The following GRM1 variants were observed in gnomAD, a reference collection of about 807,000 sequenced individuals.
GRM1 encodes the protein glutamate metabotropic receptor 1, also known as metabotropic glutamate receptor 1.
GRM1 carries 33 observed loss-of-function variants against 90.9 expected under a neutral mutation model. The observed-to-expected ratio is 0.36, with a 90% CI of 0.28 to 0.49. The LOEUF (loss-of-function observed/expected upper bound fraction) is 0.49, where lower values mean the gene tolerates loss of function less well. GRM1 is among the 20% of genes least tolerant of loss of function. The pLI is 0.99. For synonymous variants in GRM1, 700 were observed against 613.2 expected (o/e 1.14, Z -2.09); for missense variants, 1,190 against 1,534.3 (o/e 0.78, Z 3.75).
chr6:146,301,096 TA>T (rs879859352), intron 2 of GRM1, among the ~76,000 whole-genome samples: 1 of 152,240 alleles, frequency 6.6e-6, no homozygotes, highest in African/African-American at 2.4e-5. Context: ...TTACCTGTGA[TA>T]GATTTAAGAT....
At chr6:146,279,963 G>T (rs1429018429) in intron 2 of GRM1, among the ~76,000 whole-genome samples, 1 of 152,030 alleles carries the variant, frequency 6.6e-6, no homozygotes, top group Non-Finnish European at 1.5e-5. Context: ...AATGTGGTGG[G>T]ACTAGGTGTG....
chr6:146,246,482 G>A (rs1256443965), intron 2 of GRM1, among the ~76,000 whole-genome samples: 1 of 152,190 alleles, frequency 6.6e-6, no homozygotes, highest in Admixed American at 6.5e-5. Flanking sequence ...CTCTCAGCAA[G>A]AGAAGATCAA....
At chr6:146,290,594 T>C (rs917263522) in intron 2 of GRM1, among the ~76,000 whole-genome samples, 1 of 152,184 alleles carries the variant, frequency 6.6e-6, no homozygotes, top group Non-Finnish European at 1.5e-5. Flanking sequence ...CATTTGGGTT[T>C]TGAAATTGCT....
At chr6:146,150,267 G>T (rs146880134) in intron 1 of GRM1, among the ~76,000 whole-genome samples, 1 of 152,188 alleles carries the variant, frequency 6.6e-6, no homozygotes, top group African/African-American at 2.4e-5. Context: ...AACAAATTTA[G>T]ATTTTATCAT....
intron 2 of GRM1, among the ~76,000 whole-genome samples, chr6:146,288,203 A>C (rs754815121): frequency 6.6e-6 from 1 of 152,180 alleles, no homozygotes; most frequent in Non-Finnish European, 1.5e-5. Flanking sequence ...GGAGGGTGTG[A>C]GGAGCCTGGT....
At chr6:146,143,930 T>C (rs1403170457) in intron 1 of GRM1, among the ~76,000 whole-genome samples, 1 of 152,240 alleles carries the variant, frequency 6.6e-6, no homozygotes, top group African/African-American at 2.4e-5. Flanking sequence ...CTCAAGGTCA[T>C]AGCTAGTTAG....
chr6:146,334,645 A>G (rs1207285741), intron 3 of GRM1, among the ~76,000 whole-genome samples: 1 of 152,184 alleles, frequency 6.6e-6, no homozygotes, highest in East Asian at 1.9e-4. Context: ...CCAGAATGCA[A>G]ATCCACTGTA....
chr6:146,208,345 T>A (rs1228225325), intron 2 of GRM1, among the ~76,000 whole-genome samples: 1 of 152,126 alleles, frequency 6.6e-6, no homozygotes, highest in African/African-American at 2.4e-5. Context: ...TTGAAAAAAA[T>A]GTATATTTTT....
intron 2 of GRM1, among the ~76,000 whole-genome samples, chr6:146,179,207 T>C (rs1057014287): frequency 2.6e-5 from 4 of 152,192 alleles, no homozygotes; most frequent in Non-Finnish European, 4.4e-5. Context: ...CACTGACTAG[T>C]GCAATCCAGA....
intron 7 of GRM1, among the ~76,000 whole-genome samples, chr6:146,424,675 G>A (rs544270767): frequency 6.6e-5 from 10 of 152,218 alleles, no homozygotes; most frequent in Non-Finnish European, 1.3e-4. Context: ...TTCCAGGCCC[G>A]TGAAGCTGGT....
intron 2 of GRM1, among the ~76,000 whole-genome samples, chr6:146,193,725 C>T (rs1779011816): frequency 6.6e-6 from 1 of 151,868 alleles, no homozygotes; most frequent in Non-Finnish European, 1.5e-5. Context: ...AAAATGCATT[C>T]TAGGTCATAC....
chr6:146,318,427 G>A (rs1185827657), intron 3 of GRM1, among the ~76,000 whole-genome samples: 1 of 151,966 alleles, frequency 6.6e-6, no homozygotes, highest in African/African-American at 2.4e-5. Flanking sequence ...GGTTGGTTCC[G>A]AGTCTTTGCT....
At chr6:146,190,146 A>G (rs1778888297) in intron 2 of GRM1, among the ~76,000 whole-genome samples, 1 of 152,194 alleles carries the variant, frequency 6.6e-6, no homozygotes, top group Non-Finnish European at 1.5e-5. Context: ...AAATGGAGTA[A>G]GAGAGGAAGT....
chr6:146,335,575 ACCCACTTGATTT>A (rs1431028098), intron 3 of GRM1, among the ~76,000 whole-genome samples: 7 of 152,024 alleles, frequency 4.6e-5, no homozygotes, highest in Non-Finnish European at 8.8e-5. Flanking sequence ...TTCTTTGCCC[ACCCACTTGATTT>A]CCATCAATAA....
chr6:146,032,535 G>T (rs1423381364), intron 1 of GRM1, among the ~76,000 whole-genome samples: 1 of 152,044 alleles, frequency 6.6e-6, no homozygotes, highest in Non-Finnish European at 1.5e-5. Context: ...GCACTTCCTT[G>T]GATCATTTAG....
intron 3 of GRM1, among the ~76,000 whole-genome samples, chr6:146,325,634 A>G (rs1268652936): frequency 1.3e-5 from 2 of 152,220 alleles, no homozygotes; most frequent in African/African-American, 2.4e-5. Context: ...TAGGAATCCC[A>G]CATTCTCTGA....
intron 2 of GRM1, among the ~76,000 whole-genome samples, chr6:146,196,646 T>C (rs548805058): frequency 5.9e-5 from 9 of 151,952 alleles, no homozygotes; most frequent in Admixed American, 3.3e-4. Flanking sequence ...AGGGGACCCA[T>C]ATTAGTGCCA....
chr6:146,411,068 A>G (rs1302956676), intron 7 of GRM1, among the ~76,000 whole-genome samples: 1 of 152,196 alleles, frequency 6.6e-6, no homozygotes, highest in African/African-American at 2.4e-5. Context: ...GAACAAATAG[A>G]TCTGGCTCCT....
intron 2 of GRM1, among the ~76,000 whole-genome samples, chr6:146,219,045 A>G (rs770583360): frequency 3.5e-4 from 53 of 152,260 alleles, no homozygotes; most frequent in South Asian, 2.1e-4. Context: ...TTTTCTCCAA[A>G]TCCCTTGATT....
Sources: allele counts gnomAD v4.1 joint callset (sites outside exome capture counted in the v4.1 genomes callset), GRCh38; gene constraint gnomAD v4.1.1; transcripts MANE v1.5; gene names NCBI Gene and HGNC (gene_info 2026-07-23, HGNC 2026-07-21).